KIAA1671: variants seen among roughly 807,000 people sequenced by gnomAD.
The protein encoded by KIAA1671 is uncharacterized protein KIAA1671.
In KIAA1671, 52 loss-of-function variants were observed where a neutral mutation model predicts 131.2. That is an observed-to-expected ratio of 0.40 (90% CI 0.32 to 0.50). The LOEUF (loss-of-function observed/expected upper bound fraction) is 0.50, where lower values mean the gene tolerates loss of function less well. KIAA1671 is among the 20% of genes least tolerant of loss of function. KIAA1671 has a pLI of 0.73. For missense variants in KIAA1671, 2,360 were observed against 2,364.2 expected (o/e 1.00, Z 0.04); for synonymous variants, 1,003 against 961.6 (o/e 1.04, Z -0.80).
intron 1 of KIAA1671, among the ~76,000 whole-genome samples, chr22:25,005,639 C>T (rs755502067): frequency 1.3e-5 from 2 of 152,164 alleles, no homozygotes; most frequent in Non-Finnish European, 2.9e-5. Flanking sequence ...TGGTAGTGTC[C>T]CCTGCATTTA....
chr22:25,075,502 C>A (rs1230652233), intron 6 of KIAA1671, among the ~76,000 whole-genome samples: 2 of 147,262 alleles, frequency 1.4e-5, no homozygotes, highest in Non-Finnish European at 3.0e-5. Context: ...CAGTGCGCAT[C>A]TTTTTTTTTT....
intron 1 of KIAA1671, among the ~76,000 whole-genome samples, chr22:24,983,707 T>C (rs1923351799): frequency 1.2e-5 from 1 of 82,760 alleles, no homozygotes; most frequent in Admixed American, 1.9e-4. Context: ...CCTGTGTGAC[T>C]GTGCGGTGGG....
chr22:24,990,479 AT>A (rs1448750901), intron 1 of KIAA1671, among the ~76,000 whole-genome samples: 10 of 152,174 alleles, frequency 6.6e-5, no homozygotes, highest in Admixed American at 6.5e-4. Context: ...TCCTGGAAAC[AT>A]GTTCCCTGGC....
At chr22:24,978,094 C>T (rs925241098) in intron 1 of KIAA1671, among the ~76,000 whole-genome samples, 1 of 152,146 alleles carries the variant, frequency 6.6e-6, no homozygotes, top group African/African-American at 2.4e-5. Context: ...ATCCCCGCAA[C>T]AGCCCCAGGA....
chr22:25,039,263 C>T lies in KIAA1671; in HGVS notation c.2133C>T (p.His711=). Residue 711 remains histidine, a synonymous_variant, in exon 5 of 13, where the codon CAC becomes CAT. Coordinates refer to ENST00000358431, the MANE Select transcript of KIAA1671 (RefSeq NM_001145206.2). ...LRDKYPLSEN[H]NNNTFLKHLE... ...ACAAATACCCTTTGTCTGAAAACCA[C>T]AATAATAACACCTTCCTCAAACACT... 1 of 1,552,324 alleles carries T rather than the reference C, an allele frequency of 6.4e-7. No individual in the cohort carries two copies. The highest frequency in any genetic ancestry group is 1.2e-5 in the South Asian group (1 of 84,068).
intron 6 of KIAA1671, among the ~76,000 whole-genome samples, chr22:25,120,830 C>T (rs1931900409): frequency 6.6e-6 from 1 of 152,194 alleles, no homozygotes; most frequent in African/African-American, 2.4e-5. Context: ...CATTTGTGTG[C>T]TCCATAATTT....
At chr22:25,159,467 T>C (rs566897110) in intron 6 of KIAA1671, among the ~76,000 whole-genome samples, 42 of 152,220 alleles carry the variant, frequency 2.8e-4, no homozygotes, top group African/African-American at 9.9e-4. Context: ...GCCACTCTGG[T>C]TCTTAGCTGA....
chr22:25,004,971 A>G (rs1226999237), intron 1 of KIAA1671, among the ~76,000 whole-genome samples: 1 of 151,202 alleles, frequency 6.6e-6, no homozygotes. Flanking sequence ...AGTGTAGAAG[A>G]TTTGATTGTA....
chr22:25,169,073 G>A (rs965574275), intron 6 of KIAA1671, among the ~76,000 whole-genome samples: 1 of 152,026 alleles, frequency 6.6e-6, no homozygotes, highest in African/African-American at 2.4e-5. Flanking sequence ...TGTCTTTCTG[G>A]GCCAGTCTTA....
At position 25,195,049 on chromosome 22, in the gene KIAA1671, AATC is replaced by A. The variant is rs1408088266; in HGVS notation, c.*2652_*2654del. ...TTTTTAAACTCACTTAATATGCCTT[AATC>A]ATCTGTGTGTAATGGAGTCATCCGC... On this transcript the variant is annotated 3_prime_UTR_variant, in exon 13 of 13. Transcript: ENST00000358431. 1 of 152,128 alleles carries A rather than the reference AATC, an allele frequency of 6.6e-6. No homozygotes were observed. Among genetic ancestry groups the A allele is most frequent in the Non-Finnish European group, 1.5e-5 (1 of 68,012 alleles). 9.4% of individuals were successfully genotyped at this position (152,128 alleles called of 1,614,324 possible).
chr22:25,086,022 T>G (rs77161003), intron 6 of KIAA1671, among the ~76,000 whole-genome samples: 2,302 of 152,262 alleles, frequency 0.015, 29 homozygotes, highest in Middle Eastern at 0.051. Context: ...TCAATGAATG[T>G]TATGCTGAAT....
rs1167492159 is a variant in KIAA1671 at position 25,174,296 on chromosome 22, G to T, written c.4706G>T (p.Ser1569Ile). The change falls in exon 8 of 13, where the codon AGC becomes ATC. Residue 1569 changes from serine to isoleucine, a missense_variant. Physicochemically the swap from Ser to Ile is moderately radical, Grantham distance 142 (BLOSUM62 -2). Around this residue, in one of 3 missense-constraint regions of KIAA1671, gnomAD observed 1,161 missense variants for 1,204.7 expected, o/e 0.96. Transcript: ENST00000358431. The stretch of plus-strand genomic sequence containing the variant: ...ACATCGACAAGGAAACAGCCCCCCA[G>T]CAGCCGTTTGTCTTCTCTGTCCTCC... The part of the protein sequence containing the change: ...SATSTRKQPP[S>I]SRLSSLSSQT... 3 of 1,551,714 alleles carry T rather than the reference G, an allele frequency of 1.9e-6. No homozygotes were observed. The highest frequency in any genetic ancestry group is 2.6e-6 in the Non-Finnish European group (3 of 1,147,014).
chr22:25,042,463 G>GT (rs3063202), intron 5 of KIAA1671, among the ~76,000 whole-genome samples: 52,867 of 104,630 alleles, frequency 0.51, 15,032 homozygotes, highest in African/African-American at 0.59. Flanking sequence ...GCAGTCCCTT[G>GT]TTTTTTTTTT....
chr22:25,170,443 C>G (rs1265654496), intron 6 of KIAA1671, among the ~76,000 whole-genome samples: 1 of 152,084 alleles, frequency 6.6e-6, no homozygotes, highest in Admixed American at 6.5e-5. Flanking sequence ...GGAGCTTCCC[C>G]CAGCCAGATC....
chr22:25,031,672 T>C (rs2145792568), intron 3 of KIAA1671, among the ~76,000 whole-genome samples: 1 of 152,328 alleles, frequency 6.6e-6, no homozygotes, highest in South Asian at 2.1e-4. Flanking sequence ...CGATCTTATG[T>C]GTAGCCGGGG....
Position 25,040,205 on chromosome 22 carries a change from G to A in KIAA1671, c.3075G>A (p.Ala1025=), listed in dbSNP as rs1344915337. Residue 1025 remains alanine, a synonymous_variant, in exon 5 of 13, where the codon GCG becomes GCA. Coordinates refer to ENST00000358431, the MANE Select transcript of KIAA1671 (RefSeq NM_001145206.2). ...AAGGGTCACCTGTGGAACCCAAGGC[G>A]ACATTTTTTGCAGTCACCTATCAGA... ...VKQGSPVEPK[A]TFFAVTYQIP... is the part of the protein sequence containing the mutation. 1.1e-5 allele frequency: 17 copies of A among 1,551,674 alleles called. No individual in the cohort carries two copies. In the South Asian group the frequency reaches 1.2e-4, roughly 11 times the overall value.
Position 25,040,599 on chromosome 22 carries a change from G to A in KIAA1671, c.3469G>A (p.Gly1157Ser), listed in dbSNP as rs1224480767. 1.9e-6 allele frequency: 3 copies of A among 1,551,748 alleles called. No individual in the cohort carries two copies. The highest frequency in any genetic ancestry group is 1.4e-5 in the African/African-American group (1 of 73,146). The change falls in exon 5 of 13, where the codon GGC (glycine) becomes AGC (serine). Residue 1157 changes from glycine (G) to serine (S), a missense_variant. Transcript: ENST00000358431. ...AAGTGCGAACAAGATGTCCCCCAGC[G>A]GCGGAGCTCCCCAAACCACCCCGAC... ...KESANKMSPSGGAPQTTPTLR... is the reference protein window; with the variant it reads ...KESANKMSPSSGAPQTTPTLR...
chr22:25,185,988 T>C (rs562611907), intron 11 of KIAA1671: 6 of 152,334 alleles, frequency 3.9e-5, no homozygotes, highest in African/African-American at 1.4e-4. Flanking sequence ...TGATAGTAAG[T>C]GCTGGTTGGA....
intron 5 of KIAA1671, among the ~76,000 whole-genome samples, chr22:25,042,352 T>C (rs1035956296): frequency 5.9e-5 from 9 of 152,134 alleles, no homozygotes; most frequent in African/African-American, 4.8e-5. Context: ...TCCAGCATCA[T>C]GCTTGACATA....
Sources: allele counts gnomAD v4.1 joint callset (sites outside exome capture counted in the v4.1 genomes callset), GRCh38; gene constraint gnomAD v4.1.1; regional missense constraint gnomAD v4.1.1; transcripts MANE v1.5; gene names NCBI Gene and HGNC (gene_info 2026-07-23, HGNC 2026-07-21).